The following NYAP2 variants were observed in gnomAD, a reference collection of about 807,000 sequenced individuals.
NYAP2 encodes neuronal tyrosine-phosphorylated phosphoinositide-3-kinase adaptor 2.
Under a neutral mutation model 50.4 loss-of-function variants are expected in NYAP2, and 23 were observed. The observed-to-expected ratio is 0.46, with a 90% confidence interval of 0.33 to 0.65. The LOEUF is 0.65. Ranked by LOEUF, NYAP2 falls within the 30% of genes least tolerant of loss-of-function variation. NYAP2 has a pLI of 0.02. For missense variants in NYAP2, 885 were observed against 861.0 expected, an observed-to-expected ratio of 1.03 and a Z score of -0.35; for synonymous variants, 394 against 365.2, an observed-to-expected ratio of 1.08 and a Z score of -0.90.
chr2:225,650,011 T>C (rs985801250), intron 6 of NYAP2, among the ~76,000 whole-genome samples: 5 of 152,160 alleles, frequency 3.3e-5, no homozygotes, highest in Non-Finnish European at 5.9e-5. Flanking sequence ...ATTAGTTCCC[T>C]TAGGAGAATA....
chr2:225,691,498 A>T, the NYAP2 span, among the ~76,000 whole-genome samples: 1 of 151,998 alleles, frequency 6.6e-6, no homozygotes, highest in South Asian at 2.1e-4. Context: ...TAGTTTGCCG[A>T]CCCCTATCCA....
chr2:225,468,245 A>G (rs1322596738), intron 3 of NYAP2, among the ~76,000 whole-genome samples: 3 of 152,238 alleles, frequency 2.0e-5, no homozygotes, highest in African/African-American at 7.2e-5. Flanking sequence ...CTTATAATAA[A>G]AGAAAAGGAG....
chr2:225,585,482 A>G (rs1323616568), intron 5 of NYAP2, among the ~76,000 whole-genome samples: 4 of 152,198 alleles, frequency 2.6e-5, no homozygotes, highest in Non-Finnish European at 4.4e-5. Context: ...CGACTCCAAA[A>G]ACAAGCTTTG....
intron 4 of NYAP2, among the ~76,000 whole-genome samples, chr2:225,554,093 C>T (rs898634351): frequency 5.9e-5 from 9 of 152,064 alleles, no homozygotes; most frequent in African/African-American, 2.2e-4. Flanking sequence ...ATGATTTGGT[C>T]CCTTACATTC....
At chr2:225,630,771 A>G (rs1693297150) in intron 6 of NYAP2, among the ~76,000 whole-genome samples, 1 of 152,242 alleles carries the variant, frequency 6.6e-6, no homozygotes, top group African/African-American at 2.4e-5. Flanking sequence ...AGTTTACATC[A>G]TGGAACACCC....
intron 3 of NYAP2, among the ~76,000 whole-genome samples, chr2:225,449,601 C>CT (rs201552006): frequency 0.032 from 3,066 of 96,148 alleles, 87 homozygotes; most frequent in African/African-American, 0.049. Flanking sequence ...CTCTCTTTCT[C>CT]TTTTTTTTTT....
chr2:225,619,374 C>T (rs193218923), intron 5 of NYAP2, among the ~76,000 whole-genome samples: 79 of 152,276 alleles, frequency 5.2e-4, no homozygotes, highest in African/African-American at 1.8e-3. Flanking sequence ...CCCACCCAGG[C>T]GGTCATATGC....
intron 4 of NYAP2, among the ~76,000 whole-genome samples, chr2:225,519,551 T>C (rs1574655643): frequency 2.0e-5 from 3 of 151,726 alleles, no homozygotes; most frequent in Non-Finnish European, 4.4e-5. Flanking sequence ...GATAGTTTAC[T>C]GAGAATGATG....
At chr2:225,658,317 C>A (rs1032737560), downstream of NYAP2, among the ~76,000 whole-genome samples, 5 of 151,924 alleles carry the variant, frequency 3.3e-5, no homozygotes, top group Non-Finnish European at 5.9e-5. Context: ...TCTTGGAACA[C>A]CCCCCTAAGT....
chr2:225,431,924 G>A (rs568834059), intron 3 of NYAP2, among the ~76,000 whole-genome samples: 3 of 152,040 alleles, frequency 2.0e-5, no homozygotes, highest in Non-Finnish European at 4.4e-5. Flanking sequence ...TACTGCAAGA[G>A]TGTGTGTGGC....
chr2:225,670,164 C>G, the NYAP2 span, among the ~76,000 whole-genome samples: 1 of 152,130 alleles, frequency 6.6e-6, no homozygotes, highest in Non-Finnish European at 1.5e-5. Flanking sequence ...GTTCTGTATC[C>G]TTGGCCTTCA....
intron 3 of NYAP2, among the ~76,000 whole-genome samples, chr2:225,485,004 CAG>C (rs1266701469): frequency 6.6e-6 from 1 of 152,186 alleles, no homozygotes; most frequent in African/African-American, 2.4e-5. Context: ...CTGGCCTATT[CAG>C]AGTCTCATTA....
intron 3 of NYAP2, among the ~76,000 whole-genome samples, chr2:225,447,673 A>G (rs1574619965): frequency 6.6e-6 from 1 of 152,338 alleles, no homozygotes; most frequent in East Asian, 1.9e-4. Flanking sequence ...ATGATTAAAT[A>G]GAAGAGGTTG....
intron 4 of NYAP2, among the ~76,000 whole-genome samples, chr2:225,581,688 A>G (rs13397293): frequency 0.077 from 11,753 of 152,250 alleles, 604 homozygotes; most frequent in East Asian, 0.23. Flanking sequence ...AGGGGTGAAC[A>G]GTCCTGGTTT....
rs777011175 is a variant in NYAP2 at position 225,651,420 on chromosome 2, G to T, written c.1829-12G>T. On this transcript the variant is annotated splice_polypyrimidine_tract_variant and intron_variant, in intron 6 of 6. Coordinates refer to ENST00000636099, the Ensembl canonical transcript of NYAP2. The stretch of plus-strand genomic sequence containing the variant: ...GTCAGCTAATATTGTGTCTTTTTCC[G>T]CTTGTTTCCAGAGCCTAAAGTAAGC... The T allele has an allele frequency of 6.2e-7, 1 of 1,613,672 alleles. No individual in the cohort carries two copies. The highest frequency in any genetic ancestry group is 8.5e-7 in the Non-Finnish European group (1 of 1,179,798).
chr2:225,648,164 C>A (rs1693666757), intron 6 of NYAP2, among the ~76,000 whole-genome samples: 2 of 151,992 alleles, frequency 1.3e-5, no homozygotes, highest in African/African-American at 4.8e-5. Flanking sequence ...CCACGCCCAG[C>A]AAATTTTTGT....
chr2:225,485,674 G>A (rs967343245), intron 3 of NYAP2, among the ~76,000 whole-genome samples: 1 of 152,146 alleles, frequency 6.6e-6, no homozygotes, highest in South Asian at 2.1e-4. Context: ...TTTAAATTCA[G>A]TCCCCTCTTA....
chr2:225,581,573 C>T (rs1343025177), intron 4 of NYAP2, among the ~76,000 whole-genome samples: 2 of 152,012 alleles, frequency 1.3e-5, no homozygotes, highest in Non-Finnish European at 2.9e-5. Flanking sequence ...TTTTTTTCCT[C>T]CTGCATTTCT....
chr2:225,492,265 A>G (rs1289861427), intron 3 of NYAP2, among the ~76,000 whole-genome samples: 3 of 152,338 alleles, frequency 2.0e-5, no homozygotes, highest in Middle Eastern at 3.4e-3. Flanking sequence ...GTCAAGAAGT[A>G]TATTTACATT....
Sources: allele counts gnomAD v4.1 joint callset (sites outside exome capture counted in the v4.1 genomes callset), GRCh38; gene constraint gnomAD v4.1.1; transcripts MANE v1.5; gene names NCBI Gene and HGNC (gene_info 2026-07-23, HGNC 2026-07-21).